RBFOX1: variants seen among roughly 807,000 people sequenced by gnomAD.
The protein encoded by RBFOX1 is RNA binding fox-1 homolog 1, also known as RNA binding protein fox-1 homolog 1.
A neutral mutation model predicts 57.7 loss-of-function variants in RBFOX1; 8 were observed. The ratio of observed to expected loss-of-function variants is 0.14; its 90% confidence interval spans 0.08 to 0.25. The LOEUF is 0.25. Among genes scored for constraint, RBFOX1 ranks in the 10% least tolerant of loss-of-function variants. RBFOX1 has a pLI of 1.00. For synonymous variants in RBFOX1, 326 were observed against 222.4 expected (o/e 1.47, Z -4.15); for missense variants, 611 against 548.5 (o/e 1.11, Z -1.14).
Position 6,992,195 on chromosome 16 carries a change from A to T in RBFOX1, c.-15-59862A>T, listed in dbSNP as rs1002214322. On this transcript the variant is annotated intron_variant, in intron 3 of 15. Coordinates refer to ENST00000550418, the MANE Select transcript of RBFOX1 (RefSeq NM_018723.4). ...TTTGTTTTTTTTGAGATGGAGTCTC[A>T]CTCTGTTGCACAGGCTGGAGTGCAG... 4.7e-5 allele frequency among the ~76,000 whole-genome samples: 7 copies of T among 148,118 alleles called. 1 individual carries two copies. Among genetic ancestry groups the T allele is most frequent in the African/African-American group, 1.7e-4 (7 of 40,316 alleles).
chr16:7,425,519 T>A (rs1229936636), intron 4 of RBFOX1, among the ~76,000 whole-genome samples: 1 of 152,220 alleles, frequency 6.6e-6, no homozygotes, highest in Non-Finnish European at 1.5e-5. Context: ...TGTTTCGACT[T>A]TAAATATCAC....
chr16:7,146,175 G>C (rs78080574), intron 4 of RBFOX1, among the ~76,000 whole-genome samples: 2,458 of 152,104 alleles, frequency 0.016, 82 homozygotes, highest in African/African-American at 0.055. Context: ...AGCATGAACT[G>C]TTTGGTCCTG....
intron 2 of RBFOX1, among the ~76,000 whole-genome samples, chr16:6,321,179 C>T (rs997327995): frequency 6.6e-6 from 1 of 152,154 alleles, no homozygotes; most frequent in African/African-American, 2.4e-5. Context: ...TATACATATA[C>T]TGTATAGTAA....
chr16:5,649,650 C>T (rs2049167586), intron 3 of RBFOX1, among the ~76,000 whole-genome samples: 1 of 152,170 alleles, frequency 6.6e-6, no homozygotes, highest in Admixed American at 6.5e-5. Flanking sequence ...TTATTTTTAT[C>T]TTCTTTGTCT....
At chr16:7,307,016 C>G (rs1417290500) in intron 4 of RBFOX1, among the ~76,000 whole-genome samples, 1 of 152,110 alleles carries the variant, frequency 6.6e-6, no homozygotes, top group African/African-American at 2.4e-5. Context: ...ACGAATCAGG[C>G]AACATTTATG....
chr16:7,074,396 C>G (rs1443408642), intron 4 of RBFOX1, among the ~76,000 whole-genome samples: 2 of 151,922 alleles, frequency 1.3e-5, no homozygotes, highest in African/African-American at 4.8e-5. Context: ...AAAATAATGG[C>G]AAAAGCTGCA....
chr16:5,673,934 G>A (rs1038260282), intron 3 of RBFOX1, among the ~76,000 whole-genome samples: 13 of 152,212 alleles, frequency 8.5e-5, no homozygotes, highest in Admixed American at 2.0e-4. Context: ...ACCGAAAGGG[G>A]GAATGAGGAA....
intron 2 of RBFOX1, among the ~76,000 whole-genome samples, chr16:6,408,326 GGT>G (rs1555459964): frequency 1.3e-5 from 2 of 152,140 alleles, no homozygotes; most frequent in Non-Finnish European, 2.9e-5. Context: ...TAAGGAATAA[GGT>G]GTGTGTGCAG....
chr16:5,552,461 T>A (rs538349265), intron 2 of RBFOX1, among the ~76,000 whole-genome samples: 5 of 152,312 alleles, frequency 3.3e-5, no homozygotes, highest in Admixed American at 1.3e-4. Flanking sequence ...TTAGTCCATG[T>A]TTCAGGTGAG....
intron 1 of RBFOX1, among the ~76,000 whole-genome samples, chr16:6,069,322 T>A (rs948644299): frequency 4.9e-5 from 7 of 143,396 alleles, no homozygotes; most frequent in Non-Finnish European, 1.1e-4. Flanking sequence ...CACTTGAACC[T>A]GGAAGGCGGA....
At chr16:5,817,770 C>G (rs761693329) in intron 3 of RBFOX1, among the ~76,000 whole-genome samples, 2 of 150,570 alleles carry the variant, frequency 1.3e-5, no homozygotes, top group Admixed American at 6.6e-5. Context: ...TCTGGGCTCA[C>G]TGCAGCTCCG....
intron 1 of RBFOX1, among the ~76,000 whole-genome samples, chr16:5,274,960 G>T (rs1451954553): frequency 6.6e-6 from 1 of 152,196 alleles, no homozygotes; most frequent in Admixed American, 6.5e-5. Flanking sequence ...ATCACCTCAT[G>T]TACTAAGACC....
chr16:6,779,667 A>T (rs2080015837), intron 3 of RBFOX1, among the ~76,000 whole-genome samples: 1 of 139,116 alleles, frequency 7.2e-6, no homozygotes, highest in African/African-American at 2.7e-5. Flanking sequence ...CCATATCCTT[A>T]CCAGCATTCA....
At chr16:6,205,469 C>A (rs919904252) in intron 1 of RBFOX1, among the ~76,000 whole-genome samples, 1 of 152,212 alleles carries the variant, frequency 6.6e-6, no homozygotes, top group African/African-American at 2.4e-5. Context: ...TTCTCTGCGT[C>A]TGCTTCTGCT....
chr16:5,788,072 G>C (rs1236298396), intron 3 of RBFOX1, among the ~76,000 whole-genome samples: 1 of 152,118 alleles, frequency 6.6e-6, no homozygotes, highest in Non-Finnish European at 1.5e-5. Flanking sequence ...TAGGGGTGTT[G>C]AAAAGATTGT....
intron 14 of RBFOX1, among the ~76,000 whole-genome samples, chr16:7,686,521 CTCT>C (rs750900740): frequency 3.9e-5 from 6 of 152,068 alleles, no homozygotes; most frequent in African/African-American, 1.4e-4. Context: ...ATTGCCTGCC[CTCT>C]TCTTTGGGTG....
At position 7,467,549 on chromosome 16, in the gene RBFOX1, C is replaced by T. The variant is rs547954351; in HGVS notation, c.28-50598C>T. ...AACATGGATTTTGGAATGAAATAAACGTGGGTTCAAATCCCAGCTCTGTCA... is the reference window on the plus strand; with the variant it reads ...AACATGGATTTTGGAATGAAATAAATGTGGGTTCAAATCCCAGCTCTGTCA... On this transcript the variant is annotated intron_variant, in intron 4 of 15. Transcript: ENST00000550418. Among the ~76,000 whole-genome samples, 8 of 152,250 alleles carry T rather than the reference C, an allele frequency of 5.3e-5. No homozygotes were observed. In the South Asian group the frequency reaches 8.3e-4, roughly 16 times the overall value.
At chr16:7,646,441 C>G (rs927758256) in intron 11 of RBFOX1, among the ~76,000 whole-genome samples, 1 of 152,166 alleles carries the variant, frequency 6.6e-6, no homozygotes, top group Admixed American at 6.5e-5. Flanking sequence ...CATAAATTAC[C>G]CACAGAACAA....
intron 4 of RBFOX1, among the ~76,000 whole-genome samples, chr16:5,903,738 C>T (rs1327774034): frequency 6.6e-6 from 1 of 152,164 alleles, no homozygotes; most frequent in Admixed American, 6.5e-5. Context: ...CCTCCTCCCA[C>T]CCCACAAACA....
Sources: allele counts gnomAD v4.1 joint callset (sites outside exome capture counted in the v4.1 genomes callset), GRCh38; gene constraint gnomAD v4.1.1; transcripts MANE v1.5; gene names NCBI Gene and HGNC (gene_info 2026-07-23, HGNC 2026-07-21).